The following PDE4DIP variants were observed in gnomAD, a reference collection of about 807,000 sequenced individuals.
The protein encoded by PDE4DIP is myomegalin.
PDE4DIP carries 59 observed loss-of-function variants against 221.4 expected under a neutral mutation model. The observed-to-expected ratio is 0.27, with a 90% confidence interval of 0.22 to 0.33. The LOEUF (loss-of-function observed/expected upper bound fraction) is 0.33. Among genes scored for constraint, PDE4DIP ranks in the 10% least tolerant of loss-of-function variants. PDE4DIP has a pLI of 1.00. For missense variants in PDE4DIP, 1,036 were observed against 2,154.2 expected, an observed-to-expected ratio of 0.48 and a Z score of 10.28; for synonymous variants, 404 against 815.9, an observed-to-expected ratio of 0.50 and a Z score of 8.60.
At chr1:148,978,926 C>T (rs1188378762) in intron 19 of PDE4DIP, among the ~76,000 whole-genome samples, 3 of 151,764 alleles carry the variant, frequency 2.0e-5, no homozygotes, top group Non-Finnish European at 4.4e-5. Flanking sequence ...AGCAGCAGTT[C>T]TTTTGGACAC....
chr1:148,958,115 C>T (rs1295095107), intron 5 of PDE4DIP, among the ~76,000 whole-genome samples: 3 of 126,982 alleles, frequency 2.4e-5, no homozygotes, highest in Non-Finnish European at 3.4e-5. Flanking sequence ...TCCTGTTATA[C>T]TCACAACAAC....
At chr1:149,028,903 C>G (rs1411423863) in intron 41 of PDE4DIP, among the ~76,000 whole-genome samples, 200 bp downstream of exon 44, 10 of 152,066 alleles carry the variant, frequency 6.6e-5, no homozygotes, top group Admixed American at 6.6e-4. Context: ...GAATATATCC[C>G]ATTCCCCACC....
At chr1:148,951,753 G>A (rs1553488827) in intron 5 of PDE4DIP, among the ~76,000 whole-genome samples, 1 of 152,306 alleles carries the variant, frequency 6.6e-6, no homozygotes, top group African/African-American at 2.4e-5. Flanking sequence ...TGACTGCTCT[G>A]TGCTTTTTTA....
chr1:149,002,742 GC>G (rs2065949563), intron 24 of PDE4DIP, 107 bp from the exon 28 acceptor site: 1 of 387,680 alleles, frequency 2.6e-6, no homozygotes, highest in Non-Finnish European at 4.6e-6. Context: ...CATGAGAAGT[GC>G]TGTGACAGAC....
exon 15 of PDE4DIP, chr1:148,972,260 A>C (rs782636354): frequency 1.9e-6 from 3 of 1,584,156 alleles, no homozygotes; most frequent in Non-Finnish European, 2.6e-6. Context: ...TAGGAGGGAG[A>C]GACTCCCTGA....
At chr1:148,977,683 T>C (rs587661286) in intron 17 of PDE4DIP, among the ~76,000 whole-genome samples, 5 of 152,368 alleles carry the variant, frequency 3.3e-5, no homozygotes, top group African/African-American at 1.2e-4. Flanking sequence ...AGTATCATAA[T>C]AAGCTTGTTA....
At chr1:149,009,622 G>A (rs782281555) in exon 30 of PDE4DIP, 3 of 1,614,112 alleles carry the variant, frequency 1.9e-6, no homozygotes, top group Non-Finnish European at 2.5e-6. Flanking sequence ...TGCAGGCCAA[G>A]CTGGATGCTC....
intron 1 of PDE4DIP, among the ~76,000 whole-genome samples, chr1:148,905,133 G>T: frequency 7.3e-6 from 1 of 137,226 alleles, no homozygotes; most frequent in African/African-American, 2.7e-5. Context: ...CCTGATTTAA[G>T]CTAGGAGGGT....
At position 148,963,979 on chromosome 1, in the gene PDE4DIP, C is replaced by T. The variant is rs2057621252; in HGVS notation, c.1194+1339C>T. On this transcript the variant is annotated intron_variant, in intron 9 of 43. Transcript: ENST00000369354. ...TTCATCGTGTTAGCCAGGATGGTCTCGATGTCCTGACCTCGTGATCCGCCC... is the reference window on the plus strand; with the variant it reads ...TTCATCGTGTTAGCCAGGATGGTCTTGATGTCCTGACCTCGTGATCCGCCC... Among the ~76,000 whole-genome samples, 5 of 151,470 alleles carry T rather than the reference C, an allele frequency of 3.3e-5. No individual in the cohort carries two copies. The South Asian group carries it at 1.0e-3, about 32-fold the overall frequency.
At chr1:148,995,846 AAAACTT>A (rs2064077260) in intron 22 of PDE4DIP, among the ~76,000 whole-genome samples, 1 of 150,080 alleles carries the variant, frequency 6.7e-6, no homozygotes, top group Non-Finnish European at 1.5e-5. Flanking sequence ...CATGTACCCT[AAAACTT>A]AAAGTATAAT....
At chr1:148,934,994 C>T (rs1167239234) in intron 4 of PDE4DIP, among the ~76,000 whole-genome samples, 44 of 152,022 alleles carry the variant, frequency 2.9e-4, no homozygotes, top group Admixed American at 2.7e-3. Context: ...GAGGCCGAGG[C>T]GGGCGGATCA....
chr1:148,941,202 C>T (rs1394423032), intron 5 of PDE4DIP, among the ~76,000 whole-genome samples: 4 of 79,468 alleles, frequency 5.0e-5, no homozygotes, highest in Non-Finnish European at 9.9e-5. Flanking sequence ...CAGAAATACA[C>T]GCATGGTGCT....
intron 33 of PDE4DIP, among the ~76,000 whole-genome samples, chr1:149,017,147 AG>A (rs1457843358): frequency 6.6e-6 from 1 of 151,314 alleles, no homozygotes; most frequent in Non-Finnish European, 1.5e-5. Flanking sequence ...GGCAGGGGGA[AG>A]GGGGGTGTCA....
At chr1:148,978,438 T>C in intron 19 of PDE4DIP, 23 bp downstream of exon 22, 1 of 1,439,182 alleles carries the variant, frequency 6.9e-7, no homozygotes, top group Non-Finnish European at 9.5e-7. Context: ...AATATAAACC[T>C]TATTTATTTA....
At chr1:148,959,722 T>G (rs1574320364) in intron 5 of PDE4DIP, among the ~76,000 whole-genome samples, 1 of 152,082 alleles carries the variant, frequency 6.6e-6, no homozygotes, top group East Asian at 1.9e-4. Context: ...TCATACTTTT[T>G]TCTCCTGAAT....
At chr1:149,030,897 G>A (rs1202386724) in intron 43 of PDE4DIP, 2 of 486,490 alleles carry the variant, frequency 4.1e-6, no homozygotes, top group Admixed American at 1.3e-4. Flanking sequence ...AAAACACTAA[G>A]TGTTAATCAT....
At chr1:148,823,982 T>G (rs1669995314) in intron 1 of PDE4DIP, among the ~76,000 whole-genome samples, 1 of 148,108 alleles carries the variant, frequency 6.8e-6, no homozygotes, top group Admixed American at 6.7e-5. Flanking sequence ...TAATAGCTTC[T>G]TTGTGAATGG....
intron 32 of PDE4DIP, among the ~76,000 whole-genome samples, chr1:149,013,980 G>A (rs1699807): frequency 1.3e-5 from 2 of 151,914 alleles, no homozygotes; most frequent in African/African-American, 4.8e-5. Flanking sequence ...TAGAGACAGG[G>A]TTTCGCCATG....
chr1:148,922,860 A>G lies in PDE4DIP; in HGVS notation c.142-6337A>G, dbSNP rs145629760. 1.4e-3 allele frequency among the ~76,000 whole-genome samples: 210 copies of G among 151,142 alleles called. 2 individuals carry two copies. The highest frequency in any genetic ancestry group is 5.0e-3 in the African/African-American group (204 of 41,164). ...CTCGGCCTCCCAAAGTGCTGGGATT[A>G]CAGGCATGAGCCACCGTGCCCGGCC... On this transcript the variant is annotated intron_variant, in intron 1 of 43. Coordinates refer to ENST00000369354, the Ensembl canonical transcript of PDE4DIP.
Sources: gnomAD v4.1 joint callset for allele counts (sites outside exome capture counted in the v4.1 genomes callset) on GRCh38, gnomAD v4.1.1 for gene constraint, MANE v1.5 for transcripts, NCBI Gene and HGNC (gene_info 2026-07-23, HGNC 2026-07-21) for gene names.